The following NEB variants were observed in gnomAD, a reference collection of about 807,000 sequenced individuals.
NEB encodes nebulin, also known as nemaline myopathy type 2.
NEB carries 512 observed loss-of-function variants against 952.2 expected under a neutral mutation model. The ratio of observed to expected loss-of-function variants is 0.54; its 90% confidence interval spans 0.50 to 0.58. NEB has a LOEUF of 0.58. Ranked by LOEUF, NEB falls within the 20% of genes least tolerant of loss-of-function variation. The pLI, the probability that NEB is intolerant of heterozygous loss-of-function variation, is 0.00. For missense variants in NEB, 8,428 were observed against 9,231.1 expected, an observed-to-expected ratio of 0.91 and a Z score of 3.56; for synonymous variants, 2,900 against 3,149.8, an observed-to-expected ratio of 0.92 and a Z score of 2.66.
At chr2:151,536,932 A>T (rs1243088546) in intron 141 of NEB, among the ~76,000 whole-genome samples, 200 bp downstream of exon 141, 1 of 152,176 alleles carries the variant, frequency 6.6e-6, no homozygotes, top group African/African-American at 2.4e-5. Flanking sequence ...TTTTTCATCA[A>T]ATTCAAATAA....
At position 151,563,817 on chromosome 2, in the gene NEB, A is replaced by G. The variant is rs116189169; in HGVS notation, c.18579+6T>C. On this transcript the variant is annotated splice_donor_region_variant and intron_variant, in intron 118 of 181. Coordinates refer to ENST00000397345, the MANE Select transcript of NEB (RefSeq NM_001164508.2). ...CAAACTTAGGAGAGGAAAAGGTCAT[A>G]CTGACCTCACTGTTCACCAGATCAG... The G allele has an allele frequency of 3.2e-4, 512 of 1,611,524 alleles. No homozygotes were observed. In the African/African-American group the frequency reaches 5.6e-3, roughly 18 times the overall value.
Position 151,609,812 on chromosome 2 carries a change from A to G in NEB, c.12327T>C (p.Ser4109=). ...TCCCAAAATTCATGTTACGTACATCACTCTGCAGGTCATAGGCCTTTTTTG... is the reference window on the plus strand; with the variant it reads ...TCCCAAAATTCATGTTACGTACATCGCTCTGCAGGTCATAGGCCTTTTTTG... ...IQAKKAYDLQ[S]DSVYKADLEW... is the part of the protein sequence containing the mutation. The change falls in exon 81 of 182, where the codon AGT becomes AGC. Residue 4109 remains serine (S), a synonymous_variant. Transcript: ENST00000397345. 1.3e-6 allele frequency: 2 copies of G among 1,574,956 alleles called. No homozygotes were observed. The highest frequency in any genetic ancestry group is 1.7e-6 in the Non-Finnish European group (2 of 1,161,218).
chr2:151,668,990 C>A, intron 39 of NEB, 37 bp downstream of exon 39: 2 of 1,423,958 alleles, frequency 1.4e-6, no homozygotes, highest in Non-Finnish European at 1.9e-6. Context: ...AAGGAGAGGC[C>A]CGCATACGCA....
In NEB at chr2:151,627,686, G is replaced by T. The variant is rs1343251077; in HGVS notation, c.9980C>A (p.Thr3327Asn). The T allele has an allele frequency of 6.2e-7, 1 of 1,613,904 alleles. No individual in the cohort carries two copies. The highest frequency in any genetic ancestry group is 1.1e-5 in the South Asian group (1 of 91,070). ...EYKKDFEKWKTKFSSPVDMLG... is the reference protein window; with the variant it reads ...EYKKDFEKWKNKFSSPVDMLG... ...CATGTCCACTGGGCTGCTGAACTTGGTCTTCCACTTCTCAAAGTCCTTCTT... is the reference window on the plus strand; with the variant it reads ...CATGTCCACTGGGCTGCTGAACTTGTTCTTCCACTTCTCAAAGTCCTTCTT... The change falls in exon 69 of 182, where the codon ACC (threonine) becomes AAC (asparagine). Residue 3327 changes from threonine (T) to asparagine (N), a missense_variant. By Grantham distance (65) the Thr-to-Asn change is moderately conservative. Coordinates refer to ENST00000397345, the MANE Select transcript of NEB (RefSeq NM_001164508.2).
At position 151,733,071 on chromosome 2, in the gene NEB, T is replaced by C. The variant is rs973814332; in HGVS notation, c.36+50A>G. The C allele has an allele frequency of 3.3e-6, 5 of 1,523,650 alleles. No homozygotes were observed. The African/African-American group carries it at 6.9e-5, about 21-fold the overall frequency. 94.4% of individuals were successfully genotyped at this position (1,523,650 alleles called of 1,614,324 possible). ...ATTAATTCACCTACACAGCTTTGAT[T>C]GTCACTACATAAAATAGTTTGCTGT... On this transcript the variant is annotated intron_variant, in intron 3 of 181. Transcript: ENST00000397345.
chr2:151,644,321 C>G, intron 56 of NEB, 147 bp downstream of exon 56: 1 of 1,047,878 alleles, frequency 9.5e-7, no homozygotes, highest in Non-Finnish European at 1.4e-6. Flanking sequence ...CATCCTTGAT[C>G]TTATCCTCAT....
intron 135 of NEB, among the ~76,000 whole-genome samples, chr2:151,542,555 T>C (rs960407490): frequency 4.0e-4 from 61 of 152,276 alleles, no homozygotes; most frequent in African/African-American, 1.4e-3. Flanking sequence ...GGCCAGAAAC[T>C]TGGGGGAGTC....
At chr2:151,640,091 T>C in intron 61 of NEB, 31 bp from the exon 62 acceptor site, 1 of 1,589,726 alleles carries the variant, frequency 6.3e-7, no homozygotes, top group Non-Finnish European at 8.6e-7. Flanking sequence ...TAAATATTTA[T>C]CTCTGTATCA....
At chr2:151,705,950 AG>A (rs553984889) in intron 13 of NEB, among the ~76,000 whole-genome samples, 181 of 152,326 alleles carry the variant, frequency 1.2e-3, no homozygotes, top group African/African-American at 4.0e-3. Context: ...GAGGGAGTAA[AG>A]ACTACATATT....
At chr2:151,507,152 C>T in intron 162 of NEB, 139 bp from the exon 163 acceptor site, 1 of 573,156 alleles carries the variant, frequency 1.7e-6, no homozygotes, top group Non-Finnish European at 3.0e-6. Flanking sequence ...TCTGGTAGCC[C>T]AAGGGAAATT....
Position 151,527,037 on chromosome 2 carries a change from A to G in NEB, c.21841-15T>C, listed in dbSNP as rs1421258587. ...TTATATTCAAACTGTGATAGAAGAA[A>G]GGCAGAAGAAAAGGGAAGGGTGACA... On this transcript the variant is annotated splice_polypyrimidine_tract_variant and intron_variant, in intron 147 of 181. Coordinates refer to ENST00000397345, the MANE Select transcript of NEB (RefSeq NM_001164508.2). The G allele has an allele frequency of 2.6e-6, 4 of 1,546,262 alleles. No homozygotes were observed. Among genetic ancestry groups the G allele is most frequent in the Admixed American group, 1.8e-5 (1 of 54,338 alleles).
intron 29 of NEB, 30 bp downstream of exon 29, chr2:151,682,632 C>T (rs751032903): frequency 3.2e-6 from 5 of 1,541,042 alleles, no homozygotes; most frequent in East Asian, 2.3e-5. Flanking sequence ...ACAGTCACCA[C>T]TCTCCCTCTG....
chr2:151,704,654 C>T (rs895662104), intron 13 of NEB, among the ~76,000 whole-genome samples: 11 of 152,162 alleles, frequency 7.2e-5, no homozygotes, highest in African/African-American at 2.2e-4. Context: ...TTCTTTGAGT[C>T]GGAAAGGTAA....
In NEB at chr2:151,687,559, C is replaced by T. The variant is rs762822050; in HGVS notation, c.2524-27G>A. 9.3e-6 allele frequency: 15 copies of T among 1,612,452 alleles called. No individual in the cohort carries two copies. In the East Asian group the frequency reaches 1.6e-4, roughly 17 times the overall value. ...TGCAAAGACATCACACATGCCAGATCCCACTCACCAGGAAATGTCCCCAAG... is the reference window on the plus strand; with the variant it reads ...TGCAAAGACATCACACATGCCAGATTCCACTCACCAGGAAATGTCCCCAAG... On this transcript the variant is annotated intron_variant, in intron 26 of 181. Coordinates refer to ENST00000397345, the MANE Select transcript of NEB (RefSeq NM_001164508.2).
intron 146 of NEB, among the ~76,000 whole-genome samples, chr2:151,528,175 C>T (rs2087725412): frequency 1.3e-5 from 2 of 152,162 alleles, no homozygotes; most frequent in Admixed American, 1.3e-4. Flanking sequence ...TTGCATGCTT[C>T]CTAGACCCTT....
chr2:151,566,605 G>T (rs187804983), intron 114 of NEB, among the ~76,000 whole-genome samples: 1 of 152,304 alleles, frequency 6.6e-6, no homozygotes, highest in Admixed American at 6.5e-5. Flanking sequence ...CTTGATTCAG[G>T]CTTCAGTGGG....
intron 54 of NEB, among the ~76,000 whole-genome samples, 172 bp downstream of exon 54, chr2:151,650,004 A>G (rs563800224): frequency 2.0e-5 from 3 of 152,320 alleles, no homozygotes; most frequent in African/African-American, 7.2e-5. Flanking sequence ...CCATTTTTAC[A>G]TGATTCAGTG....
Position 151,695,591 on chromosome 2 carries a change from T to C in NEB, c.1661A>G (p.Tyr554Cys), listed in dbSNP as rs370663399. ...PAFIQHKVNA[Y>C]NLSDNLYKQD... ...TAAGGAACTTACATCACTCAAGTTATAGGCATTGACTTTGTGCTGGATAAA... is the reference window on the plus strand; with the variant it reads ...TAAGGAACTTACATCACTCAAGTTACAGGCATTGACTTTGTGCTGGATAAA... Residue 554 changes from tyrosine (Y) to cysteine (C), a missense_variant, in exon 18 of 182, where the codon TAT becomes TGT. Tyr to Cys is a radical substitution (Grantham distance 194). This residue lies in a region of NEB where 2,851 missense variants were observed against 2,791.5 expected (regional missense o/e 1.02). Coordinates refer to ENST00000397345, the MANE Select transcript of NEB (RefSeq NM_001164508.2). 4.3e-6 allele frequency: 7 copies of C among 1,613,204 alleles called. No homozygotes were observed. The highest frequency in any genetic ancestry group is 2.7e-5 in the African/African-American group (2 of 74,936).
rs74774971 is a variant in NEB, at chr2:151,667,766, T to C, written c.4719+38A>G. On this transcript the variant is annotated intron_variant, in intron 40 of 181. Transcript: ENST00000397345. The stretch of plus-strand genomic sequence containing the variant: ...GGCTGGTCTTGAACTCCTGAAGTCT[T>C]TTAGATAGAAAGTTTCCTACTTTTA... 1,976 of 1,557,488 alleles carry C rather than the reference T, an allele frequency of 1.3e-3. 23 individuals are homozygous for C. The African/African-American group carries it at 0.024, about 19-fold the overall frequency.
Sources: allele counts gnomAD v4.1 joint callset (sites outside exome capture counted in the v4.1 genomes callset), GRCh38; gene constraint gnomAD v4.1.1; regional missense constraint gnomAD v4.1.1; transcripts MANE v1.5; gene names NCBI Gene and HGNC (gene_info 2026-07-23, HGNC 2026-07-21).